BPTF: variants seen among roughly 807,000 people sequenced by gnomAD.
BPTF encodes bromodomain PHD finger transcription factor, also known as nucleosome-remodeling factor subunit BPTF.
In BPTF, 18 loss-of-function variants were observed where a neutral mutation model predicts 292.5. The ratio of observed to expected loss-of-function variants is 0.06; its 90% CI spans 0.04 to 0.09. The LOEUF is 0.09. Ranked by LOEUF, BPTF falls within the 10% of genes least tolerant of loss-of-function variation. BPTF has a pLI of 1.00. For synonymous variants in BPTF, 1,225 were observed against 1,251.9 expected, an observed-to-expected ratio of 0.98 and a Z score of 0.45; for missense variants, 2,726 against 3,498.7, an observed-to-expected ratio of 0.78 and a Z score of 5.57.
At chr17:67,934,455 G>A (rs2064725988) in intron 18 of BPTF, among the ~76,000 whole-genome samples, 1 of 151,434 alleles carries the variant, frequency 6.6e-6, no homozygotes, top group African/African-American at 2.4e-5. Flanking sequence ...GGAGGTGGGG[G>A]TTGCAGTGAG....
chr17:67,905,673 C>T (rs1598556427), intron 9 of BPTF, among the ~76,000 whole-genome samples: 1 of 151,932 alleles, frequency 6.6e-6, no homozygotes, highest in Non-Finnish European at 1.5e-5. Flanking sequence ...TGTGCTGTTG[C>T]ACTCGAGCCT....
intron 1 of BPTF, among the ~76,000 whole-genome samples, chr17:67,843,867 G>A (rs1275647245): frequency 7.0e-6 from 1 of 143,330 alleles, no homozygotes; most frequent in African/African-American, 2.6e-5. Context: ...CTGGGTTCAA[G>A]TGATTCTCCT....
intron 27 of BPTF, among the ~76,000 whole-genome samples, chr17:67,976,880 G>A (rs2069547468): frequency 6.6e-6 from 1 of 152,020 alleles, no homozygotes; most frequent in Admixed American, 6.6e-5. Flanking sequence ...TATGAGGGGT[G>A]GGTGGAGCAA....
intron 26 of BPTF, among the ~76,000 whole-genome samples, chr17:67,971,934 C>T (rs2068812774): frequency 6.6e-6 from 1 of 151,826 alleles, no homozygotes; most frequent in South Asian, 2.1e-4. Flanking sequence ...TTGGAAAACA[C>T]TGAGTATTAT....
At chr17:67,974,715 C>G (rs2069185146) in intron 26 of BPTF, 1 of 152,434 alleles carries the variant, frequency 6.6e-6, no homozygotes, top group Non-Finnish European at 1.5e-5. Flanking sequence ...CCGATGAACA[C>G]CAGGTGGAGA....
Position 67,949,662 on chromosome 17 carries a change from CATAT to C in BPTF, c.7926+1366_7926+1369del, listed in dbSNP as rs1163333672. On this transcript the variant is annotated intron_variant, in intron 23 of 27. Coordinates refer to ENST00000306378, the MANE Select transcript of BPTF (RefSeq NM_182641.4). ...GTACATATATATATATACACACAGA[CATAT>C]ATATATATACACACAGACATACATA... Among the ~76,000 whole-genome samples the C allele has an allele frequency of 7.6e-4, 25 of 32,760 alleles. No individual in the cohort carries two copies. The East Asian group carries it at 0.085, about 111-fold the overall frequency. The allele number at this position is 32,760 out of a possible 152,430, so 21.5% of individuals were successfully genotyped here.
chr17:67,982,865 A>T lies in BPTF; in HGVS notation c.*577A>T, dbSNP rs1381207583. On this transcript the variant is annotated 3_prime_UTR_variant, in exon 28 of 28. Transcript: ENST00000306378. ...CTATGAAAGGAGCTGCTATGTACAC[A>T]TGTGCACACACACACAACTGGGAAT... The T allele has an allele frequency of 1.3e-5, 2 of 152,692 alleles. No individual in the cohort carries two copies. The highest frequency in any genetic ancestry group is 2.9e-5 in the Non-Finnish European group (2 of 68,146). The allele number at this position is 152,692 out of a possible 1,614,324, so 9.5% of individuals were successfully genotyped here.
At position 67,854,858 on chromosome 17, in the gene BPTF, A is replaced by G; in HGVS notation, c.1436+96A>G. On this transcript the variant is annotated intron_variant, in intron 2 of 27. Coordinates refer to ENST00000306378, the MANE Select transcript of BPTF (RefSeq NM_182641.4). This position sits in a 1 kb window ranked among gnomAD's most constrained non-coding sequence, Gnocchi z 5.6. ...CAGAGCTATGCTGTTGATGTGGTAT[A>G]AACCTTTGTAACTTAATAGTTATAC... The G allele has an allele frequency of 1.2e-6, 1 of 808,330 alleles. No individual in the cohort carries two copies. Among genetic ancestry groups the G allele is most frequent in the South Asian group, 1.8e-5 (1 of 55,468 alleles). 50.1% of individuals were successfully genotyped at this position (808,330 alleles called of 1,614,324 possible).
intron 2 of BPTF, among the ~76,000 whole-genome samples, chr17:67,862,430 T>TA (rs1184292435): frequency 1.3e-5 from 2 of 152,222 alleles, no homozygotes; most frequent in African/African-American, 4.8e-5. Context: ...CCAGGATATG[T>TA]ACCGTCACCC....
intron 8 of BPTF, 74 bp downstream of exon 8, chr17:67,903,992 A>G: frequency 8.1e-7 from 1 of 1,234,202 alleles, no homozygotes; most frequent in Non-Finnish European, 1.1e-6. Context: ...TTGAATACTT[A>G]CTAATTTTAT....
intron 27 of BPTF, 149 bp from the exon 28 acceptor site, chr17:67,982,103 T>A (rs548907413): frequency 1.4e-6 from 1 of 736,834 alleles, no homozygotes; most frequent in South Asian, 1.6e-5. Context: ...TAAAATTTTC[T>A]TAATCGTTCT....
chr17:67,837,563 A>C (rs1012582248), intron 1 of BPTF, among the ~76,000 whole-genome samples: 17 of 152,032 alleles, frequency 1.1e-4, no homozygotes, highest in Non-Finnish European at 2.2e-4. Flanking sequence ...GGACGCCACC[A>C]CGCCTGGCTA....
Position 67,854,569 on chromosome 17 carries a change from G to C in BPTF, c.1243G>C (p.Glu415Gln). The C allele has an allele frequency of 1.2e-6, 2 of 1,614,234 alleles. No individual in the cohort carries two copies. The highest frequency in any genetic ancestry group is 1.7e-6 in the Non-Finnish European group (2 of 1,180,044). Residue 415 changes from glutamate to glutamine, a missense_variant, in exon 2 of 28, where the codon GAA (glutamate) becomes CAA (glutamine). Transcript: ENST00000306378. The surrounding 1 kb of genome is among the most constrained non-coding windows in gnomAD (Gnocchi z 5.6). ...GACATGTTCAGCAGTATACCATTTGGAATGTGTGAAGCCACCTCTTGAGGA... is the reference window on the plus strand; with the variant it reads ...GACATGTTCAGCAGTATACCATTTGCAATGTGTGAAGCCACCTCTTGAGGA... ...CETCSAVYHL[E>Q]CVKPPLEEVP...
At position 67,931,985 on chromosome 17, in the gene BPTF, G is replaced by T; in HGVS notation, c.6225G>T (p.Lys2075Asn). 6.2e-7 allele frequency: 1 copy of T among 1,614,070 alleles called. No homozygotes were observed. Among genetic ancestry groups the T allele is most frequent in the Non-Finnish European group, 8.5e-7 (1 of 1,179,976 alleles). Reference sequence around the variant, plus strand: ...CACTCCAACAGTCAACACTAGGAAAGGCAATTATTCGAACACCTGTGATGG... The same window carrying T: ...CACTCCAACAGTCAACACTAGGAAATGCAATTATTCGAACACCTGTGATGG... ...RTPLQQSTLG[K>N]AIIRTPVMVQ... is the part of the protein sequence containing the mutation. Residue 2075 changes from lysine to asparagine, a missense_variant, in exon 18 of 28, where the codon AAG becomes AAT. Lys to Asn is a moderately conservative substitution (Grantham distance 94). Transcript: ENST00000306378.
intron 19 of BPTF, among the ~76,000 whole-genome samples, chr17:67,942,491 A>G (rs2065455410): frequency 1.3e-5 from 2 of 152,224 alleles, no homozygotes; most frequent in Admixed American, 1.3e-4. Context: ...GTTAGCAAAG[A>G]CATAGAGCAG....
rs1292996468 is a variant in BPTF, at chr17:67,911,853, A to G, written c.3969A>G (p.Glu1323=). The change falls in exon 11 of 28, where the codon GAA becomes GAG. Residue 1323 remains glutamate (E), a synonymous_variant. Coordinates refer to ENST00000306378, the MANE Select transcript of BPTF (RefSeq NM_182641.4). ...TTTCTGAACAGTTCAGAACTCGAGA[A>G]CAAGATGTTGAAGTCTTGGAGCCGT... ...ESISEQFRTR[E]QDVEVLEPLK... 6.2e-7 allele frequency: 1 copy of G among 1,614,122 alleles called. No homozygotes were observed. The highest frequency in any genetic ancestry group is 8.5e-7 in the Non-Finnish European group (1 of 1,179,990).
At chr17:67,886,842 A>C (rs1225322633) in intron 4 of BPTF, among the ~76,000 whole-genome samples, 2 of 151,966 alleles carry the variant, frequency 1.3e-5, no homozygotes, top group African/African-American at 4.8e-5. Flanking sequence ...GCTGCATGGT[A>C]CTCCAGAGTA....
Position 67,928,481 on chromosome 17 carries a change from A to G in BPTF, c.5878A>G (p.Thr1960Ala), listed in dbSNP as rs749160366. 9.9e-6 allele frequency: 16 copies of G among 1,614,182 alleles called. No individual in the cohort carries two copies. Among genetic ancestry groups the G allele is most frequent in the Admixed American group, 1.7e-5 (1 of 60,018 alleles). The part of the protein sequence containing the change: ...MVAPISGSVT[T>A]GTKMVLTTKV... ...GGCCCCCATAAGTGGCTCAGTTACA[A>G]CTGGAACCAAAATGGTACTAACTAC... Residue 1960 changes from threonine (T) to alanine (A), a missense_variant, in exon 16 of 28, where the codon ACT (threonine) becomes GCT (alanine). Physicochemically the swap from Thr to Ala is moderately conservative, Grantham distance 58 (BLOSUM62 0). Transcript: ENST00000306378.
chr17:67,952,908 G>A (rs1484598460), intron 23 of BPTF, among the ~76,000 whole-genome samples: 4 of 152,116 alleles, frequency 2.6e-5, no homozygotes, highest in Admixed American at 2.0e-4. Context: ...TTTTAATAAA[G>A]CTTATACCTT....
Sources: allele counts gnomAD v4.1 joint callset (sites outside exome capture counted in the v4.1 genomes callset), GRCh38; gene constraint gnomAD v4.1.1; non-coding constraint Gnocchi (gnomAD v3.1); transcripts MANE v1.5; gene names NCBI Gene and HGNC (gene_info 2026-07-23, HGNC 2026-07-21).